JAKMIP3: variants seen among roughly 807,000 people sequenced by gnomAD.
The protein encoded by JAKMIP3 is janus kinase and microtubule-interacting protein 3.
JAKMIP3 carries 58 observed loss-of-function variants against 118.5 expected under a neutral mutation model. The ratio of observed to expected loss-of-function variants is 0.49; its 90% confidence interval spans 0.40 to 0.61. The LOEUF is 0.61. Ranked by LOEUF, JAKMIP3 falls within the 20% of genes least tolerant of loss-of-function variation. The probability of loss-of-function intolerance (pLI) is 0.00; values close to 1 mark genes in which losing one functional copy is unlikely to be tolerated. For missense variants in JAKMIP3, 950 were observed against 1,109.0 expected (o/e 0.86, Z 2.04); for synonymous variants, 486 against 451.2 (o/e 1.08, Z -0.98).
intron 13 of JAKMIP3, among the ~76,000 whole-genome samples, chr10:132,146,129 G>GCCCCCCCCCCCCCC (rs2054556301): frequency 4.0e-5 from 4 of 99,978 alleles, no homozygotes; most frequent in Non-Finnish European, 6.5e-5. Context: ...GTGCTGCCCC[G>GCCCCCCCCCCCCCC]CCCCCACCCC....
chr10:132,157,505 G>A (rs540326115), intron 19 of JAKMIP3, among the ~76,000 whole-genome samples: 24 of 152,336 alleles, frequency 1.6e-4, no homozygotes, highest in East Asian at 9.6e-4. Context: ...TATTTGGAAT[G>A]ACCAAAGGGT....
At chr10:132,163,554 A>C in intron 20 of JAKMIP3, 142 bp downstream of exon 20, 1 of 708,184 alleles carries the variant, frequency 1.4e-6, no homozygotes, top group Non-Finnish European at 2.3e-6. Context: ...CTCATAACAC[A>C]CACTCTGATG....
chr10:132,047,290 G>A (rs1165216782), intron 1 of JAKMIP3, among the ~76,000 whole-genome samples: 1 of 152,210 alleles, frequency 6.6e-6, no homozygotes, highest in Non-Finnish European at 1.5e-5. Flanking sequence ...GCTATCCATA[G>A]CTAAGCTACA....
chr10:132,052,444 A>T (rs1219667907), intron 1 of JAKMIP3, among the ~76,000 whole-genome samples: 5 of 152,200 alleles, frequency 3.3e-5, no homozygotes, highest in Admixed American at 1.3e-4. Flanking sequence ...GTTGTCTTTC[A>T]TCAATTCTAG....
intron 1 of JAKMIP3, among the ~76,000 whole-genome samples, chr10:132,068,890 C>T (rs1202014756): frequency 2.6e-5 from 4 of 152,100 alleles, no homozygotes; most frequent in African/African-American, 9.7e-5. Context: ...GAATTGGTCT[C>T]CAGAAAAACC....
At position 132,104,288 on chromosome 10, in the gene JAKMIP3, G is replaced by A. The variant is rs187770982; in HGVS notation, c.-137-384G>A. On this transcript the variant is annotated intron_variant, in intron 1 of 23. Transcript: ENST00000684848. ...AGCCCGGTCACGGGGTCCCTCTGCC[G>A]TCTGAGAGCTCGTGGTTTATATGTG... Among the ~76,000 whole-genome samples the A allele has an allele frequency of 1.8e-3, 278 of 152,288 alleles. 2 individuals are homozygous for A. Among genetic ancestry groups the A allele is most frequent in the Non-Finnish European group, 1.3e-3 (88 of 68,030 alleles).
chr10:132,089,621 G>A (rs569104187), intron 1 of JAKMIP3, among the ~76,000 whole-genome samples: 1 of 152,264 alleles, frequency 6.6e-6, no homozygotes, highest in East Asian at 1.9e-4. Context: ...GAGACAGTGG[G>A]GTTTTCTAAA....
chr10:132,145,407 C>A, intron 12 of JAKMIP3, 111 bp from the exon 13 acceptor site: 1 of 1,116,076 alleles, frequency 9.0e-7, no homozygotes, highest in Non-Finnish European at 1.3e-6. Context: ...AGAGACGGGG[C>A]TTTGCCACGC....
chr10:132,117,477 A>G lies in JAKMIP3; in HGVS notation c.536A>G (p.Asp179Gly), dbSNP rs780655388. 1.9e-6 allele frequency: 3 copies of G among 1,613,724 alleles called. No homozygotes were observed. The highest frequency in any genetic ancestry group is 2.5e-6 in the Non-Finnish European group (3 of 1,179,832). Reference protein sequence around the residue: ...EEALTLVIQADKIKAAEIRSV... With the variant: ...EEALTLVIQAGKIKAAEIRSV... The stretch of plus-strand genomic sequence containing the variant: ...GCGCTGACGCTGGTGATCCAAGCGG[A>G]CAAGATCAAGGCCGCAGAGATCCGC... The change falls in exon 3 of 24, where the codon GAC (aspartate) becomes GGC (glycine). Residue 179 changes from aspartate to glycine, a missense_variant. Coordinates refer to ENST00000684848, the MANE Select transcript of JAKMIP3 (RefSeq NM_001323087.2). This position sits in a 1 kb window ranked among gnomAD's most constrained non-coding sequence, Gnocchi z 8.6.
chr10:132,176,685 GGT>G (rs770450213), intron 23 of JAKMIP3, among the ~76,000 whole-genome samples: 43 of 152,012 alleles, frequency 2.8e-4, no homozygotes, highest in Non-Finnish European at 5.1e-4. Flanking sequence ...CATTTTTTTG[GGT>G]GTTTGTGCTT....
At chr10:132,109,311 A>C (rs1253467040) in intron 2 of JAKMIP3, among the ~76,000 whole-genome samples, 2 of 152,086 alleles carry the variant, frequency 1.3e-5, no homozygotes, top group Admixed American at 1.3e-4. Context: ...AAAAAACAAA[A>C]ATTTTTTTAA....
chr10:132,139,346 A>C (rs1167097059), intron 9 of JAKMIP3, among the ~76,000 whole-genome samples: 2 of 146,066 alleles, frequency 1.4e-5, no homozygotes, highest in Non-Finnish European at 3.0e-5. Context: ...ATGTGTGTAC[A>C]TGTGAGTGTA....
chr10:132,039,881 C>A (rs1283051093), intron 1 of JAKMIP3, among the ~76,000 whole-genome samples: 1 of 152,254 alleles, frequency 6.6e-6, no homozygotes, highest in Non-Finnish European at 1.5e-5. Context: ...GTGTGGAGGT[C>A]TCACTGCTCC....
At chr10:132,064,029 AAAC>A (rs2038509224), upstream of JAKMIP3, among the ~76,000 whole-genome samples, 1 of 152,138 alleles carries the variant, frequency 6.6e-6, no homozygotes, top group African/African-American at 2.4e-5. This position sits in a 1 kb window ranked among gnomAD's most constrained non-coding sequence, Gnocchi z 4.4. Context: ...TAAAAAACTT[AAAC>A]AATAGGTTGT....
In JAKMIP3 at chr10:132,112,869, C is replaced by T. The variant is rs1213714932; in HGVS notation, c.136-4208C>T. The stretch of plus-strand genomic sequence containing the variant: ...CTGCCTGGCTGCGAATCCCCTCTCT[C>T]GCTCCCTCTGTCTTTCCCTTCTGCC... On this transcript the variant is annotated intron_variant, in intron 2 of 23. Coordinates refer to ENST00000684848, the MANE Select transcript of JAKMIP3 (RefSeq NM_001323087.2). This position sits in a 1 kb window ranked among gnomAD's most constrained non-coding sequence, Gnocchi z 4.3. 5.3e-5 allele frequency among the ~76,000 whole-genome samples: 8 copies of T among 152,190 alleles called. No homozygotes were observed. Among genetic ancestry groups the T allele is most frequent in the African/African-American group, 1.2e-4 (5 of 41,440 alleles).
At chr10:132,103,470 A>T in intron 1 of JAKMIP3, among the ~76,000 whole-genome samples, 1 of 47,824 alleles carries the variant, frequency 2.1e-5, no homozygotes, top group African/African-American at 1.3e-4. Flanking sequence ...GGGGAGGAGC[A>T]GCTGGAGGGG....
chr10:132,109,059 C>A (rs1305116140), intron 2 of JAKMIP3, among the ~76,000 whole-genome samples: 1 of 4,396 alleles, frequency 2.3e-4, no homozygotes, highest in Non-Finnish European at 5.6e-4. Flanking sequence ...CACATACATG[C>A]ACATATACAC....
chr10:132,168,368 T>C lies in JAKMIP3; in HGVS notation c.*438T>C. On this transcript the variant is annotated 3_prime_UTR_variant, in exon 23 of 24. Coordinates refer to ENST00000684848, the MANE Select transcript of JAKMIP3 (RefSeq NM_001323087.2). ...GCCACTGGTGTCTGGAGGAAGATTTTCAGAAACAACAGAGGCTTGGCCTGA... is the reference window on the plus strand; with the variant it reads ...GCCACTGGTGTCTGGAGGAAGATTTCCAGAAACAACAGAGGCTTGGCCTGA... The C allele has an allele frequency of 7.8e-7, 1 of 1,289,564 alleles. No individual in the cohort carries two copies. The highest frequency in any genetic ancestry group is 1.0e-6 in the Non-Finnish European group (1 of 988,822). The allele number at this position is 1,289,564 out of a possible 1,614,324, so 79.9% of individuals were successfully genotyped here.
intron 19 of JAKMIP3, among the ~76,000 whole-genome samples, chr10:132,162,586 A>G (rs930085034): frequency 2.0e-5 from 3 of 152,198 alleles, no homozygotes; most frequent in African/African-American, 7.2e-5. Context: ...ATTTGTTTCC[A>G]TTTCCTAATA....
Sources: allele counts gnomAD v4.1 joint callset (sites outside exome capture counted in the v4.1 genomes callset), GRCh38; gene constraint gnomAD v4.1.1; non-coding constraint Gnocchi (gnomAD v3.1); transcripts MANE v1.5; gene names NCBI Gene and HGNC (gene_info 2026-07-23, HGNC 2026-07-21).